The following CATSPERB variants were observed in gnomAD, a reference collection of about 807,000 sequenced individuals.
CATSPERB encodes cation channel sperm-associated auxiliary subunit beta.
In CATSPERB, 93 loss-of-function variants were observed where a neutral mutation model predicts 128.3. The observed-to-expected ratio is 0.72, with a 90% confidence interval of 0.61 to 0.86. The LOEUF (loss-of-function observed/expected upper bound fraction) is 0.86, where lower values mean the gene tolerates loss of function less well. CATSPERB is among the 40% of genes least tolerant of loss of function. CATSPERB has a pLI of 0.00. For synonymous variants in CATSPERB, 381 were observed against 448.8 expected, an observed-to-expected ratio of 0.85 and a Z score of 1.91; for missense variants, 1,153 against 1,329.5, an observed-to-expected ratio of 0.87 and a Z score of 2.06.
chr14:91,600,169 A>T (rs1893586153), intron 22 of CATSPERB, among the ~76,000 whole-genome samples: 1 of 152,170 alleles, frequency 6.6e-6, no homozygotes, highest in Admixed American at 6.5e-5. Context: ...TCTATGTTTA[A>T]CTTTTTGAAG....
At chr14:91,603,125 T>C in intron 22 of CATSPERB, 1 of 787,424 alleles carries the variant, frequency 1.3e-6, no homozygotes, top group Non-Finnish European at 2.4e-6. Context: ...TCTTCTCCAA[T>C]CTGGTATCCA....
chr14:91,651,135 T>C (rs1463910632), intron 15 of CATSPERB, among the ~76,000 whole-genome samples: 1 of 152,224 alleles, frequency 6.6e-6, no homozygotes, highest in Non-Finnish European at 1.5e-5. Context: ...TTTGTGCTGT[T>C]TCCAGTTGAC....
At chr14:91,731,890 C>T (rs1490327004) in intron 1 of CATSPERB, 40 bp downstream of exon 1, 2 of 152,426 alleles carry the variant, frequency 1.3e-5, no homozygotes, top group Non-Finnish European at 2.9e-5. Flanking sequence ...AATTCATACT[C>T]CAGCAGGGTC....
rs142793196 is a variant in CATSPERB, at chr14:91,654,163, G to A, written c.1432+5674C>T. 2.9e-3 allele frequency among the ~76,000 whole-genome samples: 441 copies of A among 152,316 alleles called. 2 individuals are homozygous for A. The highest frequency in any genetic ancestry group is 0.01 in the African/African-American group (422 of 41,578). On this transcript the variant is annotated intron_variant, in intron 15 of 26. Coordinates refer to ENST00000256343, the MANE Select transcript of CATSPERB (RefSeq NM_024764.4). ...AGAGAGGAGGCAGAGCAAGATGGCT[G>A]AATAGAGCCTCCAGTGATTATCCAC...
intron 22 of CATSPERB, among the ~76,000 whole-genome samples, chr14:91,594,488 GA>G (rs200061052): frequency 0.52 from 75,573 of 145,332 alleles, 19,607 homozygotes; most frequent in Admixed American, 0.64. Flanking sequence ...AATAATAAAA[GA>G]AAAAAAAAAA....
At chr14:91,708,120 C>T in intron 6 of CATSPERB, 21 bp downstream of exon 6, 2 of 1,528,808 alleles carry the variant, frequency 1.3e-6, no homozygotes, top group Non-Finnish European at 1.8e-6. Flanking sequence ...TTCCATTTTA[C>T]TTCTGTCTGT....
At chr14:91,605,885 G>A (rs1254512072) in intron 22 of CATSPERB, among the ~76,000 whole-genome samples, 1 of 152,188 alleles carries the variant, frequency 6.6e-6, no homozygotes, top group Non-Finnish European at 1.5e-5. Context: ...TCTTTAAAAT[G>A]CAGATTTCAG....
chr14:91,658,929 A>G (rs1432264495), intron 15 of CATSPERB, among the ~76,000 whole-genome samples: 1 of 151,796 alleles, frequency 6.6e-6, no homozygotes, highest in East Asian at 2.0e-4. Context: ...ACAGAAATAA[A>G]TTGAGAATCA....
chr14:91,654,306 G>C (rs1231264840), intron 15 of CATSPERB, among the ~76,000 whole-genome samples: 1 of 152,134 alleles, frequency 6.6e-6, no homozygotes, highest in Non-Finnish European at 1.5e-5. Context: ...TGGGCTCCTG[G>C]GGTCTCTGAT....
chr14:91,662,594 T>C (rs945891370), intron 14 of CATSPERB, among the ~76,000 whole-genome samples: 11 of 152,222 alleles, frequency 7.2e-5, no homozygotes, highest in Non-Finnish European at 1.3e-4. Flanking sequence ...TATGCAAATA[T>C]TCACATTTAC....
At chr14:91,624,498 G>A (rs898070517) in intron 18 of CATSPERB, among the ~76,000 whole-genome samples, 6 of 152,128 alleles carry the variant, frequency 3.9e-5, no homozygotes, top group African/African-American at 1.4e-4. Context: ...AAAATTAGCT[G>A]GGTGTGGTGG....
chr14:91,669,693 C>T, intron 14 of CATSPERB, 121 bp downstream of exon 14: 2 of 922,402 alleles, frequency 2.2e-6, no homozygotes, highest in Non-Finnish European at 3.2e-6. Flanking sequence ...TAAATATTGT[C>T]TTCCCTCCCA....
rs77878955 is a variant in CATSPERB, at chr14:91,588,698, C to A, written c.2957-620G>T. On this transcript the variant is annotated intron_variant, in intron 24 of 26. Transcript: ENST00000256343. ...CATAGTGTAAATACTCTCACCCTGA[C>A]TAATTTCAAGCTACAAATGGTTTAA... is the stretch of plus-strand genomic sequence containing the variant. Among the ~76,000 whole-genome samples the A allele has an allele frequency of 7.6e-3, 1,156 of 152,274 alleles. 16 individuals carry two copies. The highest frequency in any genetic ancestry group is 0.026 in the African/African-American group (1,086 of 41,558).
At chr14:91,695,373 C>T (rs1181147702) in intron 7 of CATSPERB, among the ~76,000 whole-genome samples, 2 of 152,052 alleles carry the variant, frequency 1.3e-5, no homozygotes, top group South Asian at 2.1e-4. Flanking sequence ...TCAAGTGATT[C>T]GCCCACCTCA....
chr14:91,711,201 T>C (rs1452716319), intron 5 of CATSPERB, among the ~76,000 whole-genome samples: 1 of 152,204 alleles, frequency 6.6e-6, no homozygotes, highest in African/African-American at 2.4e-5. Flanking sequence ...GGTACTTTTG[T>C]GTTAGAGCTT....
At chr14:91,619,473 T>C (rs1894002462) in intron 19 of CATSPERB, among the ~76,000 whole-genome samples, 1 of 152,196 alleles carries the variant, frequency 6.6e-6, no homozygotes, top group Non-Finnish European at 1.5e-5. Flanking sequence ...GGGAAATAGA[T>C]GTTCTCAATT....
chr14:91,614,088 A>T (rs1485088441), intron 20 of CATSPERB, among the ~76,000 whole-genome samples: 1 of 151,960 alleles, frequency 6.6e-6, no homozygotes, highest in Non-Finnish European at 1.5e-5. Context: ...TCTTGGCTGA[A>T]TTTTTTCCTC....
chr14:91,654,060 G>T (rs34112630), intron 15 of CATSPERB, among the ~76,000 whole-genome samples: 43,749 of 151,894 alleles, frequency 0.29, 7,136 homozygotes, highest in Admixed American at 0.48. Context: ...AACAGAAGAA[G>T]AAGGAAGGAA....
intron 15 of CATSPERB, among the ~76,000 whole-genome samples, chr14:91,648,470 A>G (rs1297455512): frequency 6.6e-6 from 1 of 152,116 alleles, no homozygotes; most frequent in Non-Finnish European, 1.5e-5. Context: ...TCTTATCTTG[A>G]TCTTCATGTA....
Sources: gnomAD v4.1 joint callset for allele counts (sites outside exome capture counted in the v4.1 genomes callset) on GRCh38, gnomAD v4.1.1 for gene constraint, MANE v1.5 for transcripts, NCBI Gene and HGNC (gene_info 2026-07-23, HGNC 2026-07-21) for gene names.